Variants in PKNOX2 observed in about 807,000 individuals in gnomAD.
The protein encoded by PKNOX2 is homeobox protein PKNOX2.
Under a neutral mutation model 53.1 loss-of-function variants are expected in PKNOX2, and 14 were observed. The observed-to-expected ratio is 0.26, with a 90% CI of 0.17 to 0.41. The LOEUF is 0.41. Among genes scored for constraint, PKNOX2 ranks in the 10% least tolerant of loss-of-function variants. The pLI, the probability that PKNOX2 is intolerant of heterozygous loss-of-function variation, is 1.00. For missense variants in PKNOX2, 496 were observed against 602.8 expected (o/e 0.82, Z 1.85); for synonymous variants, 257 against 242.8 (o/e 1.06, Z -0.54).
At chr11:125,414,747 A>G (rs1421600369) in intron 10 of PKNOX2, among the ~76,000 whole-genome samples, 1 of 29,954 alleles carries the variant, frequency 3.3e-5, no homozygotes, top group South Asian at 1.1e-3. Context: ...TATTTCTTTG[A>G]AAAAAAAAAA....
intron 4 of PKNOX2, among the ~76,000 whole-genome samples, chr11:125,365,120 T>G (rs1312729212): frequency 6.6e-6 from 1 of 152,126 alleles, no homozygotes; most frequent in African/African-American, 2.4e-5. Context: ...CCTTCAGATA[T>G]TCAAAGGGTA....
intron 2 of PKNOX2, among the ~76,000 whole-genome samples, chr11:125,250,790 G>T (rs1943935241): frequency 6.6e-6 from 1 of 152,218 alleles, no homozygotes; most frequent in South Asian, 2.1e-4. Context: ...AGCACTTACA[G>T]CTCTCACAGT....
chr11:125,299,828 A>T (rs1947912885), intron 2 of PKNOX2, among the ~76,000 whole-genome samples: 1 of 152,058 alleles, frequency 6.6e-6, no homozygotes, highest in Non-Finnish European at 1.5e-5. Context: ...CTCGGTTCTG[A>T]GCCAGAAGCG....
At chr11:125,380,698 C>G (rs141613280) in intron 5 of PKNOX2, among the ~76,000 whole-genome samples, 1 of 152,310 alleles carries the variant, frequency 6.6e-6, no homozygotes, top group African/African-American at 2.4e-5. Flanking sequence ...CAGGGAAGGC[C>G]AAAGTCTCTC....
intron 2 of PKNOX2, among the ~76,000 whole-genome samples, chr11:125,279,317 T>C (rs1946393090): frequency 6.6e-6 from 1 of 152,190 alleles, no homozygotes; most frequent in Non-Finnish European, 1.5e-5. Flanking sequence ...ATTTACCAAG[T>C]ATCTACCCTG....
chr11:125,397,831 T>C, intron 6 of PKNOX2, 43 bp from the exon 7 acceptor site: 7 of 1,556,184 alleles, frequency 4.5e-6, no homozygotes, highest in Non-Finnish European at 6.1e-6. Context: ...GTGAGGGAAA[T>C]GGGATGCAAA....
At chr11:125,275,538 G>T (rs748980223) in intron 2 of PKNOX2, among the ~76,000 whole-genome samples, 43 of 152,164 alleles carry the variant, frequency 2.8e-4, no homozygotes, top group Non-Finnish European at 4.9e-4. Context: ...GGAGTAAAGG[G>T]GGCTGGTGGA....
chr11:125,343,681 G>A (rs1420330700), intron 3 of PKNOX2, among the ~76,000 whole-genome samples: 1 of 152,214 alleles, frequency 6.6e-6, no homozygotes, highest in East Asian at 1.9e-4. Context: ...AAATATATCA[G>A]CAGCTTTTTG....
At chr11:125,169,680 A>T (rs1351781007) in intron 1 of PKNOX2, among the ~76,000 whole-genome samples, 3 of 152,216 alleles carry the variant, frequency 2.0e-5, no homozygotes, top group Non-Finnish European at 2.9e-5. Flanking sequence ...TGGATCAAGC[A>T]CAGGCTGCGC....
intron 2 of PKNOX2, among the ~76,000 whole-genome samples, chr11:125,257,165 T>C (rs1433329577): frequency 6.6e-6 from 1 of 152,250 alleles, no homozygotes; most frequent in Non-Finnish European, 1.5e-5. Flanking sequence ...TGTTTGCATC[T>C]GGGCCTGTTC....
At position 125,199,322 on chromosome 11, in the gene PKNOX2, C is replaced by T. The variant is rs553973030; in HGVS notation, c.-201+34546C>T. 3.3e-5 allele frequency among the ~76,000 whole-genome samples: 5 copies of T among 152,282 alleles called. No individual in the cohort carries two copies. The East Asian group carries it at 9.7e-4, about 29-fold the overall frequency. On this transcript the variant is annotated intron_variant, in intron 1 of 12. Coordinates refer to ENST00000298282, the MANE Select transcript of PKNOX2 (RefSeq NM_001382323.2). ...TCAGTGAGGGGGAGAACGGCTGCTC[C>T]CACCATTGCCCAGGTACCCCCTTCT...
chr11:125,225,303 T>C (rs962211300), intron 1 of PKNOX2, among the ~76,000 whole-genome samples: 1 of 152,218 alleles, frequency 6.6e-6, no homozygotes, highest in Non-Finnish European at 1.5e-5. Context: ...GGCAGGGAAC[T>C]GGAATTGCTG....
intron 7 of PKNOX2, 89 bp from the exon 8 acceptor site, chr11:125,410,107 G>T: frequency 4.0e-6 from 6 of 1,508,298 alleles, no homozygotes; most frequent in Non-Finnish European, 5.4e-6. Context: ...GGGGCAGGCA[G>T]GAAGGGGAAA....
chr11:125,200,195 T>A (rs533557655), intron 1 of PKNOX2, among the ~76,000 whole-genome samples: 2 of 152,200 alleles, frequency 1.3e-5, no homozygotes, highest in African/African-American at 4.8e-5. Flanking sequence ...GCCAAAGCAT[T>A]TTGTTCTCCA....
intron 4 of PKNOX2, among the ~76,000 whole-genome samples, chr11:125,353,910 G>C (rs149465741): frequency 6.6e-6 from 1 of 152,126 alleles, no homozygotes; most frequent in Admixed American, 6.5e-5. Context: ...AGGGAAAGGA[G>C]CTAGGGCAGG....
intron 1 of PKNOX2, among the ~76,000 whole-genome samples, chr11:125,173,122 G>A (rs566127516): frequency 6.6e-6 from 1 of 152,196 alleles, no homozygotes; most frequent in Non-Finnish European, 1.5e-5. Flanking sequence ...TTATAGGTGA[G>A]GATAATAATA....
At chr11:125,313,166 G>C (rs1948933889) in intron 2 of PKNOX2, among the ~76,000 whole-genome samples, 1 of 152,192 alleles carries the variant, frequency 6.6e-6, no homozygotes, top group African/African-American at 2.4e-5. Context: ...AAAGGGGAAA[G>C]AGAAGTCGAG....
chr11:125,429,784 G>C (rs756562706), intron 11 of PKNOX2, among the ~76,000 whole-genome samples, 179 bp from the exon 12 acceptor site: 9 of 152,172 alleles, frequency 5.9e-5, no homozygotes, highest in Non-Finnish European at 1.2e-4. Flanking sequence ...CCAAGCCCCA[G>C]GAAATTTCAT....
At chr11:125,168,596 C>T (rs894140497) in intron 1 of PKNOX2, among the ~76,000 whole-genome samples, 1 of 152,218 alleles carries the variant, frequency 6.6e-6, no homozygotes, top group East Asian at 1.9e-4. Flanking sequence ...TGTTAAATTT[C>T]TTTCTGCCAT....
Sources: gnomAD v4.1 joint callset for allele counts (sites outside exome capture counted in the v4.1 genomes callset) on GRCh38, gnomAD v4.1.1 for gene constraint, MANE v1.5 for transcripts, NCBI Gene and HGNC (gene_info 2026-07-23, HGNC 2026-07-21) for gene names.